GPR39: variants seen among roughly 807,000 people sequenced by gnomAD.
GPR39 encodes G protein-coupled receptor 39, also known as zinc sensing receptor.
GPR39 carries 23 observed loss-of-function variants against 18.4 expected under a neutral mutation model. The observed-to-expected ratio is 1.25, with a 90% confidence interval of 0.90 to 1.77. GPR39 has a LOEUF of 1.77. Ranked by LOEUF, GPR39 falls within the 40% of genes most tolerant of loss-of-function variation. The pLI, the probability that GPR39 is intolerant of heterozygous loss-of-function variation, is 0.00. For synonymous variants in GPR39, 280 were observed against 257.9 expected, an observed-to-expected ratio of 1.09 and a Z score of -0.82; for missense variants, 647 against 602.4, an observed-to-expected ratio of 1.07 and a Z score of -0.78.
chr2:132,592,970 T>C (rs1680872688), intron 1 of GPR39, among the ~76,000 whole-genome samples: 1 of 152,184 alleles, frequency 6.6e-6, no homozygotes. Context: ...TTAGGTTTGA[T>C]GACCACGACC....
At chr2:132,440,653 A>G (rs532621310) in intron 1 of GPR39, among the ~76,000 whole-genome samples, 1 of 152,318 alleles carries the variant, frequency 6.6e-6, no homozygotes, top group African/African-American at 2.4e-5. Context: ...AACCACTGAC[A>G]TCAGGGTCAG....
At chr2:132,612,476 C>A (rs1681254412) in intron 1 of GPR39, among the ~76,000 whole-genome samples, 1 of 152,162 alleles carries the variant, frequency 6.6e-6, no homozygotes, top group Admixed American at 6.5e-5. Flanking sequence ...GACAAGCTAT[C>A]TTTCACACTT....
chr2:132,587,853 A>T (rs1037267473), intron 1 of GPR39, among the ~76,000 whole-genome samples: 1 of 152,148 alleles, frequency 6.6e-6, no homozygotes, highest in Non-Finnish European at 1.5e-5. Flanking sequence ...TCTTTAATAT[A>T]TGTTAAAGTA....
intron 1 of GPR39, among the ~76,000 whole-genome samples, chr2:132,615,039 C>T (rs17396281): frequency 0.12 from 17,574 of 152,234 alleles, 1,396 homozygotes; most frequent in Non-Finnish European, 0.17. Flanking sequence ...CTTCCCGGCT[C>T]TGTTCGTTTG....
At chr2:132,555,796 C>T (rs1196476824) in intron 1 of GPR39, among the ~76,000 whole-genome samples, 2 of 152,162 alleles carry the variant, frequency 1.3e-5, no homozygotes, top group African/African-American at 4.8e-5. Flanking sequence ...AGTTAAGCAC[C>T]TGATAATTTG....
intron 1 of GPR39, among the ~76,000 whole-genome samples, chr2:132,530,705 T>G (rs961654004): frequency 1.3e-5 from 2 of 152,192 alleles, no homozygotes; most frequent in East Asian, 3.9e-4. Flanking sequence ...TATTCAACAT[T>G]CTTAAAGAAA....
chr2:132,421,607 T>C (rs531924562), intron 1 of GPR39, among the ~76,000 whole-genome samples: 1 of 152,334 alleles, frequency 6.6e-6, no homozygotes, highest in African/African-American at 2.4e-5. Flanking sequence ...CAACTTGGTT[T>C]GCTCATATTG....
chr2:132,540,082 A>G (rs759540256), intron 1 of GPR39, among the ~76,000 whole-genome samples: 1 of 151,622 alleles, frequency 6.6e-6, no homozygotes, highest in Non-Finnish European at 1.5e-5. Context: ...ACACCCCCTA[A>G]CTCCTAAACT....
chr2:132,458,914 G>A (rs537432589), intron 1 of GPR39, among the ~76,000 whole-genome samples: 141 of 152,154 alleles, frequency 9.3e-4, no homozygotes, highest in African/African-American at 3.3e-3. Context: ...CTGCATATAT[G>A]ACATATCTGT....
At chr2:132,542,977 C>T (rs1373190135) in intron 1 of GPR39, among the ~76,000 whole-genome samples, 3 of 152,182 alleles carry the variant, frequency 2.0e-5, no homozygotes, top group African/African-American at 7.2e-5. Context: ...TCTTCCTAAT[C>T]ATTCTAACTT....
rs568635695 is a variant in GPR39, at chr2:132,592,178, T to G, written c.857-52923T>G. Reference sequence around the variant, plus strand: ...GAGGAAGGATAAGAAAATAAACAAGTGCCACGTATGTAGCATCCCAAATGG... The same window carrying G: ...GAGGAAGGATAAGAAAATAAACAAGGGCCACGTATGTAGCATCCCAAATGG... On this transcript the variant is annotated intron_variant, in intron 1 of 1. Transcript: ENST00000329321. Among the ~76,000 whole-genome samples, 2 of 152,246 alleles carry G rather than the reference T, an allele frequency of 1.3e-5. 1 individual carries two copies. Among genetic ancestry groups the G allele is most frequent in the African/African-American group, 4.8e-5 (2 of 41,544 alleles).
At chr2:132,472,986 C>G (rs567452113) in intron 1 of GPR39, among the ~76,000 whole-genome samples, 8 of 152,188 alleles carry the variant, frequency 5.3e-5, no homozygotes, top group African/African-American at 1.9e-4. Context: ...GTGAACCCCC[C>G]TGCACCACCA....
chr2:132,425,815 G>A (rs1178801947), intron 1 of GPR39, among the ~76,000 whole-genome samples: 1 of 152,024 alleles, frequency 6.6e-6, no homozygotes, highest in Non-Finnish European at 1.5e-5. Flanking sequence ...AGAGAATATA[G>A]GTAGGTTCTA....
intron 1 of GPR39, among the ~76,000 whole-genome samples, chr2:132,471,014 G>A (rs930995641): frequency 4.6e-5 from 7 of 152,122 alleles, no homozygotes; most frequent in Non-Finnish European, 1.0e-4. Context: ...ACTGACCCTT[G>A]GCAAATCAGT....
intron 1 of GPR39, among the ~76,000 whole-genome samples, chr2:132,505,481 G>A (rs62167456): frequency 0.051 from 7,742 of 152,018 alleles, 472 homozygotes; most frequent in African/African-American, 0.15. Context: ...ACTTTCCACC[G>A]TTAGAACTTA....
intron 1 of GPR39, among the ~76,000 whole-genome samples, chr2:132,623,595 GT>G (rs1681485424): frequency 6.6e-6 from 1 of 152,206 alleles, no homozygotes; most frequent in African/African-American, 2.4e-5. Flanking sequence ...CAGAGCCCCA[GT>G]CCGGAAACCT....
chr2:132,626,685 G>A (rs929166963), intron 1 of GPR39, among the ~76,000 whole-genome samples: 3 of 152,140 alleles, frequency 2.0e-5, no homozygotes, highest in Non-Finnish European at 2.9e-5. Context: ...AAAAGGAAAT[G>A]TCTGTTTATG....
intron 1 of GPR39, among the ~76,000 whole-genome samples, chr2:132,470,432 T>C (rs1681008324): frequency 6.6e-6 from 1 of 151,948 alleles, no homozygotes; most frequent in Non-Finnish European, 1.5e-5. Context: ...ACCATGGTGG[T>C]GTTGGCACTT....
At chr2:132,552,891 CATATATATAT>C (rs1491088560) in intron 1 of GPR39, among the ~76,000 whole-genome samples, 1 of 125,920 alleles carries the variant, frequency 7.9e-6, no homozygotes, top group African/African-American at 3.4e-5. Flanking sequence ...TATATACACA[CATATATATAT>C]ACACACACAT....
Sources: gnomAD v4.1 joint callset for allele counts (sites outside exome capture counted in the v4.1 genomes callset) on GRCh38, gnomAD v4.1.1 for gene constraint, MANE v1.5 for transcripts, NCBI Gene and HGNC (gene_info 2026-07-23, HGNC 2026-07-21) for gene names.